The following RALB variants were observed in gnomAD, a reference collection of about 807,000 sequenced individuals.
The protein encoded by RALB is RAS like proto-oncogene B.
RALB carries 16 observed loss-of-function variants against 21.3 expected under a neutral mutation model. That is an observed-to-expected ratio of 0.75 (90% CI 0.51 to 1.14). RALB has a LOEUF of 1.14. RALB is among the 50% of genes most tolerant of loss of function. The pLI, the probability that RALB is intolerant of heterozygous loss-of-function variation, is 0.00. For missense variants in RALB, 161 were observed against 256.2 expected (o/e 0.63, Z 2.54); for synonymous variants, 93 against 96.1 (o/e 0.97, Z 0.19).
chr2:120,277,498 A>G lies in RALB; in HGVS notation c.-47-1120A>G, dbSNP rs377003691. ...GTGAGCATGAACATGTATGTGTGGT[A>G]TGAGCATGTGAACGTTAGAGCGTAT... On this transcript the variant is annotated intron_variant, in intron 1 of 4. Transcript: ENST00000272519. 9.4e-4 allele frequency among the ~76,000 whole-genome samples: 85 copies of G among 90,386 alleles called. 1 individual carries two copies. In the South Asian group the frequency reaches 0.028, roughly 29 times the overall value. 59.3% of individuals were successfully genotyped at this position (90,386 alleles called of 152,430 possible).
chr2:120,289,305 T>C (rs1690250079), intron 3 of RALB, among the ~76,000 whole-genome samples: 1 of 77,072 alleles, frequency 1.3e-5, no homozygotes, highest in Admixed American at 1.1e-4. Flanking sequence ...CCTGGGCTCC[T>C]ATCCAGACAC....
upstream of RALB, among the ~76,000 whole-genome samples, chr2:120,248,716 G>A (rs557077020): frequency 3.3e-5 from 5 of 152,288 alleles, no homozygotes; most frequent in Admixed American, 3.3e-4. Context: ...GCAGTGGCAC[G>A]ATCTCAGCTC....
chr2:120,248,052 G>A (rs1688999754), upstream of RALB, among the ~76,000 whole-genome samples: 1 of 152,246 alleles, frequency 6.6e-6, no homozygotes, highest in Non-Finnish European at 1.5e-5. Context: ...TGGGCAGTGA[G>A]GGGTGGTGAA....
chr2:120,289,032 A>C (rs1267311246), intron 3 of RALB, among the ~76,000 whole-genome samples: 1 of 152,088 alleles, frequency 6.6e-6, no homozygotes, highest in Non-Finnish European at 1.5e-5. Flanking sequence ...CTGTTCTATA[A>C]TCTATTTCAC....
chr2:120,253,526 C>CTT, intron 1 of RALB: 1 of 985,590 alleles, frequency 1.0e-6, no homozygotes, highest in Non-Finnish European at 1.2e-6. Flanking sequence ...CTGATAGGGG[C>CTT]CAGCGGCGAA....
chr2:120,262,338 T>C (rs1387744151), intron 1 of RALB, among the ~76,000 whole-genome samples: 1 of 152,110 alleles, frequency 6.6e-6, no homozygotes, highest in Non-Finnish European at 1.5e-5. Flanking sequence ...TAGCATCTGC[T>C]TGATGTGGTG....
intron 2 of RALB, among the ~76,000 whole-genome samples, chr2:120,281,379 G>A (rs918080170): frequency 3.0e-4 from 46 of 152,322 alleles, no homozygotes; most frequent in African/African-American, 9.9e-4. Context: ...TATTCCCTTC[G>A]CCTCACTGAG....
chr2:120,253,127 G>A, intron 1 of RALB, 147 bp downstream of exon 1: 1 of 533,814 alleles, frequency 1.9e-6, no homozygotes, highest in Non-Finnish European at 2.4e-6. Flanking sequence ...GGCCGGCGGA[G>A]GGCGACGCCC....
At chr2:120,255,370 TAAG>T (rs1689176413) in intron 1 of RALB, among the ~76,000 whole-genome samples, 1 of 152,170 alleles carries the variant, frequency 6.6e-6, no homozygotes, top group South Asian at 2.1e-4. Flanking sequence ...GCGGAGTAGT[TAAG>T]GAGGAGAAAA....
intron 1 of RALB, among the ~76,000 whole-genome samples, chr2:120,246,109 T>C (rs1227621117): frequency 6.6e-6 from 1 of 152,146 alleles, no homozygotes; most frequent in Non-Finnish European, 1.5e-5. Flanking sequence ...GGGGAAGGAA[T>C]GGGGCTGTCT....
chr2:120,294,580 A>G lies in RALB; in HGVS notation c.*1320A>G, dbSNP rs1173849681. 1 of 238,612 alleles carries G rather than the reference A, an allele frequency of 4.2e-6. No homozygotes were observed. Among genetic ancestry groups the G allele is most frequent in the African/African-American group, 2.2e-5 (1 of 44,720 alleles). The allele number at this position is 238,612 out of a possible 1,614,324, so 14.8% of individuals were successfully genotyped here. On this transcript the variant is annotated 3_prime_UTR_variant, in exon 5 of 5. Transcript: ENST00000272519. ...GTGCCAAAAGTGAATCGGGGTGCGG[A>G]GAGTGGGAACCTTTTGAATTTATGA... is the stretch of plus-strand genomic sequence containing the variant.
intron 1 of RALB, among the ~76,000 whole-genome samples, chr2:120,272,047 A>G (rs1558951532): frequency 6.6e-6 from 1 of 152,218 alleles, no homozygotes; most frequent in Non-Finnish European, 1.5e-5. Flanking sequence ...GGCTTAAACA[A>G]CAGGAATTTA....
chr2:120,277,940 AG>A (rs1558953820), intron 1 of RALB, among the ~76,000 whole-genome samples: 36 of 77,222 alleles, frequency 4.7e-4, no homozygotes, highest in Admixed American at 2.8e-3. Context: ...TGTGTGAGCG[AG>A]TGTGAATGTG....
chr2:120,293,357 T>A lies in RALB; in HGVS notation c.*97T>A. 7.8e-7 allele frequency: 1 copy of A among 1,274,896 alleles called. No homozygotes were observed. Among genetic ancestry groups the A allele is most frequent in the Admixed American group, 3.0e-5 (1 of 33,178 alleles). 79.0% of individuals were successfully genotyped at this position (1,274,896 alleles called of 1,614,324 possible). ...TTGACTTCTTGCTTGTGCTTCCCACTCTCCCCGACTTCATTCACTCAAACT... is the reference window on the plus strand; with the variant it reads ...TTGACTTCTTGCTTGTGCTTCCCACACTCCCCGACTTCATTCACTCAAACT... On this transcript the variant is annotated 3_prime_UTR_variant, in exon 5 of 5. Transcript: ENST00000272519.
chr2:120,277,719 G>A (rs915297927), intron 1 of RALB, among the ~76,000 whole-genome samples: 1 of 151,532 alleles, frequency 6.6e-6, no homozygotes, highest in Non-Finnish European at 1.5e-5. Flanking sequence ...GTGATAGTGC[G>A]TGTGTGATAG....
intron 1 of RALB, among the ~76,000 whole-genome samples, chr2:120,274,354 G>A (rs1167051040): frequency 6.6e-6 from 1 of 151,620 alleles, no homozygotes. Context: ...AAAAAAAAAA[G>A]TACGTAATTT....
chr2:120,269,524 A>C (rs1689604716), intron 1 of RALB, among the ~76,000 whole-genome samples: 1 of 152,076 alleles, frequency 6.6e-6, no homozygotes, highest in Admixed American at 6.5e-5. Flanking sequence ...CATTTTAGAG[A>C]GCACTGATTG....
At chr2:120,259,483 G>A (rs1183533604) in intron 1 of RALB, among the ~76,000 whole-genome samples, 1 of 152,110 alleles carries the variant, frequency 6.6e-6, no homozygotes, top group Non-Finnish European at 1.5e-5. Flanking sequence ...CTAAACACAG[G>A]GTGCTGATTG....
chr2:120,277,233 A>G (rs1056779663), intron 1 of RALB, among the ~76,000 whole-genome samples: 3 of 151,688 alleles, frequency 2.0e-5, no homozygotes, highest in African/African-American at 4.8e-5. Context: ...GTGAGAGCAT[A>G]TGTGTGTGTG....
Sources: gnomAD v4.1 joint callset for allele counts (sites outside exome capture counted in the v4.1 genomes callset) on GRCh38, gnomAD v4.1.1 for gene constraint, MANE v1.5 for transcripts, NCBI Gene and HGNC (gene_info 2026-07-23, HGNC 2026-07-21) for gene names.